Variants in BARX2 observed in about 807,000 individuals in gnomAD.
BARX2 encodes the protein BARX homeobox 2.
In BARX2, 11 loss-of-function variants were observed where a neutral mutation model predicts 25.5. That is an observed-to-expected ratio of 0.43 (90% confidence interval 0.27 to 0.71). The LOEUF (loss-of-function observed/expected upper bound fraction) is 0.71, where lower values mean the gene tolerates loss of function less well. BARX2 is among the 30% of genes least tolerant of loss of function. The pLI is 0.19. For missense variants in BARX2, 360 were observed against 359.9 expected, an observed-to-expected ratio of 1.00 and a Z score of 0.00; for synonymous variants, 137 against 149.5, an observed-to-expected ratio of 0.92 and a Z score of 0.61.
intron 1 of BARX2, among the ~76,000 whole-genome samples, chr11:129,377,907 A>G (rs771900576): frequency 1.3e-5 from 2 of 152,228 alleles, no homozygotes; most frequent in Non-Finnish European, 2.9e-5. Flanking sequence ...CATAGAAGAA[A>G]ACGTGGCAGA....
chr11:129,388,040 T>C, intron 1 of BARX2, among the ~76,000 whole-genome samples: 1 of 152,122 alleles, frequency 6.6e-6, no homozygotes, highest in East Asian at 1.9e-4. Flanking sequence ...GATATGATTA[T>C]ATGAAAATGT....
intron 2 of BARX2, among the ~76,000 whole-genome samples, chr11:129,439,030 G>C (rs760138627): frequency 6.6e-6 from 1 of 152,204 alleles, no homozygotes; most frequent in Non-Finnish European, 1.5e-5. Context: ...CAGGCAAATG[G>C]TGGACCTCGT....
chr11:129,442,791 C>T, intron 2 of BARX2, 44 bp from the exon 3 acceptor site: 1 of 1,525,848 alleles, frequency 6.6e-7, no homozygotes, highest in Non-Finnish European at 9.1e-7. Context: ...TCTCCTGCTG[C>T]CTCCCATTCT....
chr11:129,403,130 A>C (rs1239655750), intron 1 of BARX2, among the ~76,000 whole-genome samples: 1 of 152,258 alleles, frequency 6.6e-6, no homozygotes, highest in Non-Finnish European at 1.5e-5. Flanking sequence ...CTGCTGCTTT[A>C]CAGAGCTCCC....
chr11:129,376,526 G>T lies in BARX2; in HGVS notation c.187+304G>T, dbSNP rs151010709. ...TTTCCTGCTGAAAGTTCAAACACTT[G>T]AGCAGGTTCAGCGTCTAAATCGTTG... On this transcript the variant is annotated intron_variant, in intron 1 of 3. Coordinates refer to ENST00000281437, the MANE Select transcript of BARX2 (RefSeq NM_003658.5). The surrounding 1 kb of genome is among the most constrained non-coding windows in gnomAD (Gnocchi z 4.2). 2.0e-5 allele frequency among the ~76,000 whole-genome samples: 3 copies of T among 152,214 alleles called. No individual in the cohort carries two copies. The highest frequency in any genetic ancestry group is 6.5e-5 in the Admixed American group (1 of 15,280).
Position 129,442,852 on chromosome 11 carries a change from C to A in BARX2, c.506C>A (p.Ser169Tyr). ...CCTTCTAGGTTGGACTTGGCTCAGT[C>A]TCTGGGACTCACTCAGCTGCAGGTG... is the stretch of plus-strand genomic sequence containing the variant. ...STPDRLDLAQ[S>Y]LGLTQLQVKT... is the part of the protein sequence containing the mutation. The change falls in exon 3 of 4, where the codon TCT becomes TAT. Residue 169 changes from serine (S) to tyrosine (Y), a missense_variant. Ser to Tyr is a moderately radical substitution (Grantham distance 144, BLOSUM62 -2). This residue lies in a region of BARX2 where 240 missense variants were observed against 228.7 expected (regional missense o/e 1.05). Coordinates refer to ENST00000281437, the MANE Select transcript of BARX2 (RefSeq NM_003658.5). 1 of 1,613,902 alleles carries A rather than the reference C, an allele frequency of 6.2e-7. No individual in the cohort carries two copies. Among genetic ancestry groups the A allele is most frequent in the South Asian group, 1.1e-5 (1 of 91,066 alleles).
chr11:129,409,972 A>G (rs7117420), intron 1 of BARX2, among the ~76,000 whole-genome samples: 6,322 of 151,992 alleles, frequency 0.042, 474 homozygotes, highest in African/African-American at 0.14. Context: ...TTGTATTCTG[A>G]CTCTGTGTCC....
Position 129,376,854 on chromosome 11 carries a change from G to GT in BARX2, c.187+633dup, listed in dbSNP as rs1861509821. ...TCTTAAGTGACCAAAACCAGCAATG[G>GT]TAACAATGAAAACATTACTCACACC... On this transcript the variant is annotated intron_variant, in intron 1 of 3. Transcript: ENST00000281437. The surrounding 1 kb of genome is among the most constrained non-coding windows in gnomAD (Gnocchi z 4.2). 6.6e-6 allele frequency among the ~76,000 whole-genome samples: 1 copy of GT among 152,178 alleles called. No individual in the cohort carries two copies. Among genetic ancestry groups the GT allele is most frequent in the Non-Finnish European group, 1.5e-5 (1 of 68,036 alleles).
chr11:129,432,063 T>A (rs975290916), intron 1 of BARX2, among the ~76,000 whole-genome samples: 2 of 152,068 alleles, frequency 1.3e-5, no homozygotes, highest in African/African-American at 4.8e-5. Context: ...CAATTATTTT[T>A]AAAAATTTTT....
At chr11:129,377,297 C>A (rs900664992) in intron 1 of BARX2, among the ~76,000 whole-genome samples, 1 of 152,160 alleles carries the variant, frequency 6.6e-6, no homozygotes, top group Non-Finnish European at 1.5e-5. Context: ...ATGCTCAATG[C>A]GTGGAATCCT....
At chr11:129,379,587 G>A (rs576429037) in intron 1 of BARX2, among the ~76,000 whole-genome samples, 228 of 152,262 alleles carry the variant, frequency 1.5e-3, no homozygotes, top group Non-Finnish European at 1.2e-3. Context: ...TCTTGGGGTA[G>A]AATAGTTTGT....
intron 1 of BARX2, among the ~76,000 whole-genome samples, chr11:129,420,671 A>G (rs534110928): frequency 1.2e-4 from 18 of 152,288 alleles, no homozygotes; most frequent in Non-Finnish European, 1.9e-4. Context: ...TTTATAGTTT[A>G]TTACTTCACC....
rs1425412222 is a variant in BARX2 at position 129,443,039 on chromosome 11, A to G, written c.573+120A>G. ...GGCTGCAGAGATTGGAAGGCCTTCT[A>G]TGCTGCTGGCTTGCGGGGAAGCTGT... On this transcript the variant is annotated intron_variant, in intron 3 of 3. Coordinates refer to ENST00000281437, the MANE Select transcript of BARX2 (RefSeq NM_003658.5). 16 of 830,748 alleles carry G rather than the reference A, an allele frequency of 1.9e-5. No homozygotes were observed. In the East Asian group the frequency reaches 3.1e-4, roughly 16 times the overall value. 51.5% of individuals were successfully genotyped at this position (830,748 alleles called of 1,614,324 possible).
intron 1 of BARX2, among the ~76,000 whole-genome samples, chr11:129,411,170 G>C (rs760357965): frequency 6.6e-6 from 1 of 152,012 alleles, no homozygotes; most frequent in Non-Finnish European, 1.5e-5. Flanking sequence ...AAGAGTTCGA[G>C]ACCATCCTGG....
chr11:129,447,368 T>A (rs1338166895), intron 3 of BARX2, among the ~76,000 whole-genome samples: 1 of 152,186 alleles, frequency 6.6e-6, no homozygotes, highest in Non-Finnish European at 1.5e-5. Context: ...TAGGTGTTCT[T>A]CCGAGAGGCA....
chr11:129,383,181 T>C (rs1031768240), intron 1 of BARX2, among the ~76,000 whole-genome samples: 1 of 152,228 alleles, frequency 6.6e-6, no homozygotes, highest in African/African-American at 2.4e-5. Context: ...ATTTAATTTA[T>C]TTTTATTACA....
chr11:129,400,435 A>G (rs759910917), intron 1 of BARX2, among the ~76,000 whole-genome samples: 27 of 152,228 alleles, frequency 1.8e-4, no homozygotes, highest in Non-Finnish European at 3.7e-4. Context: ...AGAGTTAACC[A>G]GGAGAACGAG....
chr11:129,417,244 T>G (rs1861955240), intron 1 of BARX2, among the ~76,000 whole-genome samples: 2 of 152,176 alleles, frequency 1.3e-5, no homozygotes, highest in Non-Finnish European at 2.9e-5. Flanking sequence ...AGCACTCCTG[T>G]CTTCTGCCAG....
At chr11:129,405,540 CCA>C (rs1861820981) in intron 1 of BARX2, among the ~76,000 whole-genome samples, 1 of 152,206 alleles carries the variant, frequency 6.6e-6, no homozygotes, top group South Asian at 2.1e-4. Flanking sequence ...GCCATTATTA[CCA>C]GCACTAGTAT....
Sources: allele counts gnomAD v4.1 joint callset (sites outside exome capture counted in the v4.1 genomes callset), GRCh38; gene constraint gnomAD v4.1.1; regional missense constraint gnomAD v4.1.1; non-coding constraint Gnocchi (gnomAD v3.1); transcripts MANE v1.5; gene names NCBI Gene and HGNC (gene_info 2026-07-23, HGNC 2026-07-21).